KLF8: variants seen among roughly 807,000 people sequenced by gnomAD.
KLF8 encodes Krueppel-like factor 8.
In KLF8, 10 loss-of-function variants were observed where a neutral mutation model predicts 18.2. That is an observed-to-expected ratio of 0.55 (90% CI 0.34 to 0.93). KLF8 has a LOEUF of 0.93. Ranked by LOEUF, KLF8 falls within the 40% of genes least tolerant of loss-of-function variation. The pLI is 0.02. For synonymous variants in KLF8, 109 were observed against 97.3 expected (o/e 1.12, Z -0.71); for missense variants, 264 against 277.9 (o/e 0.95, Z 0.36).
chrX:56,026,592 C>T, the KLF8 span, among the ~76,000 whole-genome samples: 1 of 111,847 alleles, frequency 8.9e-6, no homozygotes, highest in Non-Finnish European at 1.9e-5. Flanking sequence ...CCGATTCATT[C>T]GCTCCACTTT....
chrX:56,276,894 T>C (rs1033526655), intron 5 of KLF8, among the ~76,000 whole-genome samples: 8 of 111,898 alleles, frequency 7.1e-5, no homozygotes, highest in African/African-American at 2.6e-4. Flanking sequence ...ATTTGCCTTT[T>C]TGAGGCTATT....
At chrX:55,989,322 T>A in the KLF8 span, among the ~76,000 whole-genome samples, 1 of 112,331 alleles carries the variant, frequency 8.9e-6, no homozygotes, top group South Asian at 3.7e-4. Flanking sequence ...CCTTTCAGTA[T>A]GATATTGGCT....
chrX:55,995,168 T>C, the KLF8 span, among the ~76,000 whole-genome samples: 2 of 112,360 alleles, frequency 1.8e-5, no homozygotes, highest in African/African-American at 3.2e-5. Flanking sequence ...CTTTTTTGTC[T>C]TTTTTGATCC....
chrX:56,077,080 A>G, the KLF8 span, among the ~76,000 whole-genome samples: 27 of 111,165 alleles, frequency 2.4e-4, 1 homozygote, highest in African/African-American at 8.8e-4. Flanking sequence ...ATTTTCTCCC[A>G]TTTTGTAGGT....
chrX:56,117,458 A>G, the KLF8 span, among the ~76,000 whole-genome samples: 1 of 111,203 alleles, frequency 9.0e-6, no homozygotes, highest in Non-Finnish European at 1.9e-5. Flanking sequence ...CATAGAATAT[A>G]TAGTCTACCC....
chrX:56,183,422 TGAGGCG>T, the KLF8 span, among the ~76,000 whole-genome samples: 16 of 112,034 alleles, frequency 1.4e-4, no homozygotes, highest in African/African-American at 4.5e-4. Flanking sequence ...ACTTCCCTGG[TGAGGCG>T]GTGCCCTGCC....
At chrX:56,039,016 A>G in the KLF8 span, among the ~76,000 whole-genome samples, 8 of 111,847 alleles carry the variant, frequency 7.2e-5, no homozygotes, top group Non-Finnish European at 1.3e-4. Context: ...TCTTCTTTTG[A>G]GAAGTGGCTG....
At chrX:56,162,503 C>T in the KLF8 span, among the ~76,000 whole-genome samples, 1 of 111,815 alleles carries the variant, frequency 8.9e-6, no homozygotes, top group Non-Finnish European at 1.9e-5. Flanking sequence ...TGCCACCTTG[C>T]AGTTTGATCT....
At chrX:55,977,201 C>G in the KLF8 span, among the ~76,000 whole-genome samples, 1 of 111,849 alleles carries the variant, frequency 8.9e-6, no homozygotes, top group Non-Finnish European at 1.9e-5. Flanking sequence ...TGTTTCTAAT[C>G]TTAGAGAAAA....
the KLF8 span, among the ~76,000 whole-genome samples, chrX:56,178,803 G>A: frequency 8.9e-6 from 1 of 111,739 alleles, no homozygotes; most frequent in African/African-American, 3.3e-5. Context: ...TAGATGTGTG[G>A]CATTAAGTCT....
the KLF8 span, among the ~76,000 whole-genome samples, chrX:56,017,253 G>C: frequency 8.9e-6 from 1 of 112,327 alleles, no homozygotes; most frequent in Non-Finnish European, 1.9e-5. Context: ...GCATGCCATT[G>C]CTGTAGCAGT....
At chrX:56,037,450 G>A in the KLF8 span, among the ~76,000 whole-genome samples, 1 of 111,240 alleles carries the variant, frequency 9.0e-6, no homozygotes, top group Admixed American at 9.6e-5. Flanking sequence ...AGAATTCTCT[G>A]TGCTTCAATT....
the KLF8 span, among the ~76,000 whole-genome samples, chrX:56,088,864 CA>C: frequency 9.0e-6 from 1 of 111,450 alleles, no homozygotes; most frequent in African/African-American, 3.3e-5. Context: ...TATGATTTCT[CA>C]AGCAGGGAGA....
At chrX:56,025,968 C>G in the KLF8 span, among the ~76,000 whole-genome samples, 1 of 112,635 alleles carries the variant, frequency 8.9e-6, no homozygotes, top group Non-Finnish European at 1.9e-5. Flanking sequence ...CCACACAAGT[C>G]CATGTCACAA....
At chrX:56,272,254 G>A (rs955979645) in intron 5 of KLF8, among the ~76,000 whole-genome samples, 29 of 110,573 alleles carry the variant, frequency 2.6e-4, no homozygotes, top group African/African-American at 9.6e-4. Flanking sequence ...TGTTGCCCAG[G>A]CTGGAGTTTA....
the KLF8 span, among the ~76,000 whole-genome samples, chrX:55,940,263 C>T: frequency 9.0e-6 from 1 of 111,612 alleles, no homozygotes; most frequent in African/African-American, 3.3e-5. Context: ...ATAAACAGAA[C>T]CAAAGACAAA....
At chrX:56,092,546 G>T in the KLF8 span, among the ~76,000 whole-genome samples, 1 of 111,300 alleles carries the variant, frequency 9.0e-6, no homozygotes, top group African/African-American at 3.3e-5. Flanking sequence ...TTAAGAGGGT[G>T]TCCTTTCCCC....
the KLF8 span, among the ~76,000 whole-genome samples, chrX:56,079,943 C>G: frequency 9.0e-6 from 1 of 110,984 alleles, no homozygotes; most frequent in Non-Finnish European, 1.9e-5. Flanking sequence ...GGTTTAAAGT[C>G]TGTTTTATCA....
At chrX:56,069,749 C>T in the KLF8 span, among the ~76,000 whole-genome samples, 1 of 111,820 alleles carries the variant, frequency 8.9e-6, no homozygotes, top group Non-Finnish European at 1.9e-5. Flanking sequence ...TCATGCCCGG[C>T]TTCCTGCCCA....
Sources: gnomAD v4.1 joint callset for allele counts (sites outside exome capture counted in the v4.1 genomes callset) on GRCh38, gnomAD v4.1.1 for gene constraint, MANE v1.5 for transcripts, NCBI Gene and HGNC (gene_info 2026-07-23, HGNC 2026-07-21) for gene names.